The following ALMS1 variants were observed in gnomAD, a reference collection of about 807,000 sequenced individuals.
The protein encoded by ALMS1 is ALMS1 centrosome and basal body associated protein.
Under a neutral mutation model 352.2 loss-of-function variants are expected in ALMS1, and 271 were observed. The ratio of observed to expected loss-of-function variants is 0.77; its 90% confidence interval spans 0.70 to 0.85. The LOEUF (loss-of-function observed/expected upper bound fraction) is 0.85. ALMS1 is among the 40% of genes least tolerant of loss of function. ALMS1 has a pLI of 0.00. For synonymous variants in ALMS1, 1,865 were observed against 1,761.2 expected, an observed-to-expected ratio of 1.06 and a Z score of -1.48; for missense variants, 5,445 against 4,870.7, an observed-to-expected ratio of 1.12 and a Z score of -3.51.
chr2:73,586,436 TGAG>T (rs1472430301), intron 16 of ALMS1, among the ~76,000 whole-genome samples: 2 of 152,180 alleles, frequency 1.3e-5, no homozygotes, highest in Non-Finnish European at 2.9e-5. Context: ...GGGTGAGAGA[TGAG>T]GATCCAGTTT....
intron 9 of ALMS1, among the ~76,000 whole-genome samples, chr2:73,483,929 G>C (rs1672768588): frequency 6.7e-6 from 1 of 148,540 alleles, no homozygotes; most frequent in African/African-American, 2.5e-5. Context: ...TTGCTTGGTA[G>C]ATCTTCCTCC....
At chr2:73,559,256 TC>T in intron 15 of ALMS1, 114 bp downstream of exon 15, 1 of 1,351,478 alleles carries the variant, frequency 7.4e-7, no homozygotes, top group East Asian at 2.5e-5. Context: ...AAACAAAAAT[TC>T]CTTTTCTTTT....
Position 73,522,164 on chromosome 2 carries a change from T to C in ALMS1, c.9781+2148T>C, listed in dbSNP as rs965083670. ...CAAAGTTCTTGAGAACTTCAAAAAA[T>C]TCTTTATTTGTCTCAGGTCCATCGC... is the stretch of plus-strand genomic sequence containing the variant. On this transcript the variant is annotated intron_variant, in intron 11 of 22. Transcript: ENST00000613296. 7.2e-5 allele frequency among the ~76,000 whole-genome samples: 11 copies of C among 152,176 alleles called. 1 individual carries two copies. The highest frequency in any genetic ancestry group is 2.7e-4 in the African/African-American group (11 of 41,434).
chr2:73,592,011 T>TA (rs1369224634), intron 16 of ALMS1, among the ~76,000 whole-genome samples: 1 of 152,240 alleles, frequency 6.6e-6, no homozygotes, highest in Non-Finnish European at 1.5e-5. Flanking sequence ...GAGTTTTTTT[T>TA]ACCTTAGTTG....
In ALMS1 at chr2:73,452,822, G is replaced by A; in HGVS notation, c.6295G>A (p.Glu2099Lys). The change falls in exon 8 of 23, where the codon GAG (glutamate) becomes AAG (lysine). Residue 2099 changes from glutamate (E) to lysine (K), a missense_variant. Glu to Lys is a moderately conservative substitution (Grantham distance 56). Coordinates refer to ENST00000613296, the MANE Select transcript of ALMS1 (RefSeq NM_001378454.1). Reference protein sequence around the residue: ...VSLSSSYFHREKSNIFSPQEL... With the variant: ...VSLSSSYFHRKKSNIFSPQEL... ...TCTCTCTAGTTCTTATTTTCACAGA[G>A]AGAAATCGAATATTTTCAGTCCACA... 6.2e-7 allele frequency: 1 copy of A among 1,613,774 alleles called. No homozygotes were observed. Among genetic ancestry groups the A allele is most frequent in the Non-Finnish European group, 8.5e-7 (1 of 1,179,984 alleles).
At chr2:73,534,073 T>C (rs981133449) in intron 11 of ALMS1, among the ~76,000 whole-genome samples, 6 of 152,020 alleles carry the variant, frequency 3.9e-5, no homozygotes, top group Non-Finnish European at 7.4e-5. Context: ...ACCATAAAAA[T>C]GTGAAGAATA....
intron 7 of ALMS1, among the ~76,000 whole-genome samples, chr2:73,437,309 T>C (rs1370802273): frequency 6.6e-6 from 1 of 152,212 alleles, no homozygotes; most frequent in Non-Finnish European, 1.5e-5. Context: ...ATGATTGTGA[T>C]GCTGAAAGGG....
At chr2:73,417,666 C>CT in intron 2 of ALMS1, among the ~76,000 whole-genome samples, 1 of 149,614 alleles carries the variant, frequency 6.7e-6, no homozygotes, top group Non-Finnish European at 1.5e-5. Context: ...AAGAACCTGT[C>CT]TAAAAAAAAA....
intron 9 of ALMS1, chr2:73,469,685 A>G (rs193135191): frequency 6.6e-6 from 1 of 152,030 alleles, no homozygotes; most frequent in East Asian, 1.9e-4. Context: ...CATGATAATG[A>G]CATTGTGGTT....
intron 13 of ALMS1, among the ~76,000 whole-genome samples, chr2:73,555,354 G>A (rs1413576869): frequency 6.6e-6 from 1 of 152,144 alleles, no homozygotes; most frequent in Non-Finnish European, 1.5e-5. Flanking sequence ...ATAACAATCT[G>A]TGGAGAAAGG....
chr2:73,556,035 G>A (rs940123691), intron 13 of ALMS1, among the ~76,000 whole-genome samples: 15 of 152,238 alleles, frequency 9.9e-5, no homozygotes, highest in Middle Eastern at 3.4e-3. Context: ...TGGTGTAAAG[G>A]CTGCTACTGA....
intron 2 of ALMS1, among the ~76,000 whole-genome samples, chr2:73,410,491 C>G (rs926977639): frequency 2.6e-5 from 4 of 152,218 alleles, no homozygotes; most frequent in African/African-American, 9.6e-5. Flanking sequence ...TATCTGGACA[C>G]TCCATGATCC....
At chr2:73,587,471 G>A (rs983105785) in intron 16 of ALMS1, among the ~76,000 whole-genome samples, 3 of 152,132 alleles carry the variant, frequency 2.0e-5, no homozygotes, top group Non-Finnish European at 4.4e-5. Context: ...ATTTTGCTGA[G>A]GGTTTTAATT....
At chr2:73,419,354 C>T in intron 3 of ALMS1, 36 bp downstream of exon 3, 1 of 1,595,246 alleles carries the variant, frequency 6.3e-7, no homozygotes, top group Non-Finnish European at 8.6e-7. Flanking sequence ...AGTAATACCT[C>T]ACATTTGTAA....
intron 2 of ALMS1, among the ~76,000 whole-genome samples, chr2:73,410,836 A>T (rs1018540758): frequency 2.0e-5 from 3 of 152,148 alleles, no homozygotes; most frequent in Non-Finnish European, 4.4e-5. Flanking sequence ...TTAAATATTT[A>T]AGGTTGATTA....
intron 12 of ALMS1, among the ~76,000 whole-genome samples, chr2:73,548,934 A>G (rs1225922724): frequency 1.3e-5 from 2 of 152,204 alleles, no homozygotes; most frequent in East Asian, 1.9e-4. Flanking sequence ...TAAGAGGCAA[A>G]TAAGAGAAAG....
In ALMS1 at chr2:73,408,673, A is replaced by G; in HGVS notation, c.376A>G (p.Ser126Gly). Residue 126 changes from serine to glycine, a missense_variant, in exon 2 of 23, where the codon AGT becomes GGT. Transcript: ENST00000613296. ...VWQQIVYQGN[S>G]RTQISDTNVV... ...GCAACAGATAGTATATCAAGGCAAT[A>G]GTAGAACACAAATTTCTGATACTAA... is the stretch of plus-strand genomic sequence containing the variant. 1 of 1,613,598 alleles carries G rather than the reference A, an allele frequency of 6.2e-7. No homozygotes were observed. Among genetic ancestry groups the G allele is most frequent in the Non-Finnish European group, 8.5e-7 (1 of 1,179,680 alleles).
In ALMS1 at chr2:73,452,963, G is replaced by A; in HGVS notation, c.6436G>A (p.Glu2146Lys). 6.2e-7 allele frequency: 1 copy of A among 1,612,546 alleles called. No individual in the cohort carries two copies. The highest frequency in any genetic ancestry group is 8.5e-7 in the Non-Finnish European group (1 of 1,179,306). The part of the protein sequence containing the change: ...TALPSSFSHR[E>K]KPDIFYQKDL... ...TCTTCCTAGTTCCTTTTCACATCGA[G>A]AGAAACCAGATATTTTCTATCAAAA... The change falls in exon 8 of 23, where the codon GAG becomes AAG. Residue 2146 changes from glutamate to lysine, a missense_variant. Coordinates refer to ENST00000613296, the MANE Select transcript of ALMS1 (RefSeq NM_001378454.1).
chr2:73,450,415 C>G lies in ALMS1; in HGVS notation c.3888C>G (p.Phe1296Leu). The G allele has an allele frequency of 6.2e-7, 1 of 1,613,770 alleles. No individual in the cohort carries two copies. Among genetic ancestry groups the G allele is most frequent in the Non-Finnish European group, 8.5e-7 (1 of 1,179,932 alleles). ...AATATAGAGAGAAGCCCAGCATTTT[C>G]TACCAACAGTCGTTGCCAAGTAGTC... ...YSQYREKPSI[F>L]YQQSLPSSHL... Residue 1296 changes from phenylalanine (F) to leucine (L), a missense_variant, in exon 8 of 23, where the codon TTC (phenylalanine) becomes TTG (leucine). Transcript: ENST00000613296.
Sources: gnomAD v4.1 joint callset for allele counts (sites outside exome capture counted in the v4.1 genomes callset) on GRCh38, gnomAD v4.1.1 for gene constraint, MANE v1.5 for transcripts, NCBI Gene and HGNC (gene_info 2026-07-23, HGNC 2026-07-21) for gene names.